PTPRD: variants seen among roughly 807,000 people sequenced by gnomAD.
PTPRD encodes the protein protein tyrosine phosphatase receptor type D, also known as receptor-type tyrosine-protein phosphatase delta.
Under a neutral mutation model 214.5 loss-of-function variants are expected in PTPRD, and 34 were observed. The ratio of observed to expected loss-of-function variants is 0.16; its 90% confidence interval spans 0.12 to 0.21. The LOEUF (loss-of-function observed/expected upper bound fraction) is 0.21. Ranked by LOEUF, PTPRD falls within the 10% of genes least tolerant of loss-of-function variation. PTPRD has a pLI of 1.00. For missense variants in PTPRD, 2,545 were observed against 2,398.7 expected (o/e 1.06, Z -1.27); for synonymous variants, 1,128 against 845.7 (o/e 1.33, Z -5.79).
chr9:8,439,966 T>TTTTTTTTTTTTTG, intron 34 of PTPRD, among the ~76,000 whole-genome samples: 1 of 110,974 alleles, frequency 9.0e-6, no homozygotes, highest in South Asian at 3.0e-4. Flanking sequence ...TTTTTTTTTT[T>TTTTTTTTTTTTTG]GCAGGCTGTA....
chr9:8,341,114 T>A lies in PTPRD; in HGVS notation c.5102A>T (p.Asn1701Ile). Residue 1701 changes from asparagine (N) to isoleucine (I), a missense_variant, in exon 41 of 46, where the codon AAT (asparagine) becomes ATT (isoleucine). Physicochemically the swap from Asn to Ile is moderately radical, Grantham distance 149. Coordinates refer to ENST00000381196, the MANE Select transcript of PTPRD (RefSeq NM_002839.4). ...CCTGTATCCATCAATAAAACTGGCA[T>A]TGATGTAATCAGATCCTTCTACTCC... ...IRGVEGSDYI[N>I]ASFIDGYRQQ... The A allele has an allele frequency of 6.2e-7, 1 of 1,610,262 alleles. No homozygotes were observed. The highest frequency in any genetic ancestry group is 8.5e-7 in the Non-Finnish European group (1 of 1,178,206).
At chr9:9,580,350 C>T (rs1342490274) in intron 7 of PTPRD, among the ~76,000 whole-genome samples, 1 of 152,010 alleles carries the variant, frequency 6.6e-6, no homozygotes, top group Non-Finnish European at 1.5e-5. Flanking sequence ...CTTCCCTTTT[C>T]TTTGTGTTCT....
intron 11 of PTPRD, among the ~76,000 whole-genome samples, chr9:8,782,436 C>T (rs982028705): frequency 6.6e-6 from 1 of 152,086 alleles, no homozygotes; most frequent in Non-Finnish European, 1.5e-5. Context: ...CAATACATCT[C>T]CTGAACTTAC....
intron 3 of PTPRD, among the ~76,000 whole-genome samples, chr9:10,185,172 C>G (rs1464432749): frequency 6.6e-6 from 1 of 152,090 alleles, no homozygotes; most frequent in Non-Finnish European, 1.5e-5. Flanking sequence ...GAATTTGAAA[C>G]TCTTTTCTAT....
intron 4 of PTPRD, among the ~76,000 whole-genome samples, chr9:9,959,173 G>A (rs972576275): frequency 1.1e-4 from 16 of 152,062 alleles, no homozygotes; most frequent in African/African-American, 3.6e-4. Flanking sequence ...GCAATAAAAA[G>A]AAATTGCCTA....
At chr9:8,333,563 A>T (rs1192095232) in intron 43 of PTPRD, among the ~76,000 whole-genome samples, 3 of 152,176 alleles carry the variant, frequency 2.0e-5, no homozygotes, top group Non-Finnish European at 4.4e-5. Flanking sequence ...AGCACTAAAC[A>T]TGGAAAGGAA....
At chr9:9,158,505 C>T (rs574528511) in intron 10 of PTPRD, among the ~76,000 whole-genome samples, 10 of 152,106 alleles carry the variant, frequency 6.6e-5, no homozygotes, top group African/African-American at 1.9e-4. Context: ...GAGGCTGAGG[C>T]GGGAGAATTG....
At chr9:9,255,495 T>C (rs573044551) in intron 9 of PTPRD, among the ~76,000 whole-genome samples, 1 of 152,148 alleles carries the variant, frequency 6.6e-6, no homozygotes, top group Non-Finnish European at 1.5e-5. Flanking sequence ...ATTCCACTAA[T>C]ACTGAAAATC....
At chr9:10,096,656 T>A (rs1314235873) in intron 3 of PTPRD, among the ~76,000 whole-genome samples, 1 of 151,976 alleles carries the variant, frequency 6.6e-6, no homozygotes. Context: ...GTCAGATGAG[T>A]AGGTTGCAAA....
At chr9:9,068,242 T>A (rs1489231058) in intron 10 of PTPRD, among the ~76,000 whole-genome samples, 1 of 152,192 alleles carries the variant, frequency 6.6e-6, no homozygotes, top group Non-Finnish European at 1.5e-5. Context: ...TTTATCCATT[T>A]ACCCATTGAA....
chr9:8,732,028 C>CA (rs1184984009), intron 12 of PTPRD, among the ~76,000 whole-genome samples: 24 of 152,168 alleles, frequency 1.6e-4, no homozygotes, highest in Non-Finnish European at 4.4e-5. Context: ...AAATTGCTAA[C>CA]AAGGGCCTTT....
At position 10,309,519 on chromosome 9, in the gene PTPRD, T is replaced by C. The variant is rs1330345665; in HGVS notation, c.-545+31444A>G. ...AGGCATGCACCACCACATCCAGCTATTTCTTTTTTTTTTTTTTGTATTTTT... is the reference window on the plus strand; with the variant it reads ...AGGCATGCACCACCACATCCAGCTACTTCTTTTTTTTTTTTTTGTATTTTT... On this transcript the variant is annotated intron_variant, in intron 3 of 45. Coordinates refer to ENST00000381196, the MANE Select transcript of PTPRD (RefSeq NM_002839.4). Among the ~76,000 whole-genome samples the C allele has an allele frequency of 2.1e-5, 3 of 144,780 alleles. No individual in the cohort carries two copies. In the South Asian group the frequency reaches 6.6e-4, roughly 32 times the overall value. 95.0% of individuals were successfully genotyped at this position (144,780 alleles called of 152,430 possible). A position where few individuals can be genotyped will look rare whatever the true frequency, so the allele number is the denominator to read the frequency against.
intron 3 of PTPRD, among the ~76,000 whole-genome samples, chr9:10,263,389 G>T (rs1258312214): frequency 6.6e-6 from 1 of 152,148 alleles, no homozygotes; most frequent in East Asian, 1.9e-4. Flanking sequence ...GAATTTCCTA[G>T]AGACTTGTTG....
At chr9:9,013,900 C>T (rs2099522282) in intron 11 of PTPRD, among the ~76,000 whole-genome samples, 1 of 152,094 alleles carries the variant, frequency 6.6e-6, no homozygotes, top group South Asian at 2.1e-4. Flanking sequence ...AGGTGAGGTT[C>T]CCAGATAAAA....
At chr9:10,420,544 G>C (rs976647398) in intron 2 of PTPRD, among the ~76,000 whole-genome samples, 1 of 151,484 alleles carries the variant, frequency 6.6e-6, no homozygotes, top group African/African-American at 2.4e-5. Context: ...AGTCCTTTAA[G>C]GTACAAACGA....
chr9:10,592,312 C>T (rs978420520), intron 2 of PTPRD, among the ~76,000 whole-genome samples: 1 of 151,864 alleles, frequency 6.6e-6, no homozygotes, highest in Non-Finnish European at 1.5e-5. Flanking sequence ...AATGCAGCAG[C>T]CAATTTAATT....
chr9:8,681,797 A>G (rs540964238), intron 12 of PTPRD, among the ~76,000 whole-genome samples: 1 of 152,330 alleles, frequency 6.6e-6, no homozygotes, highest in East Asian at 1.9e-4. Flanking sequence ...CTAGCAAACT[A>G]CTTAATATAA....
chr9:9,879,156 G>A (rs1415326059), intron 5 of PTPRD, among the ~76,000 whole-genome samples: 2 of 152,212 alleles, frequency 1.3e-5, no homozygotes, highest in Admixed American at 6.5e-5. Flanking sequence ...GACAGAGTAT[G>A]AAGGACTAGA....
At chr9:9,841,914 A>G (rs2058418360) in intron 5 of PTPRD, among the ~76,000 whole-genome samples, 1 of 152,096 alleles carries the variant, frequency 6.6e-6, no homozygotes. Context: ...AGTTCCTTAA[A>G]TATGTTGGAA....
Sources: gnomAD v4.1 joint callset for allele counts (sites outside exome capture counted in the v4.1 genomes callset) on GRCh38, gnomAD v4.1.1 for gene constraint, MANE v1.5 for transcripts, NCBI Gene and HGNC (gene_info 2026-07-23, HGNC 2026-07-21) for gene names.